Variants in ZNF777 observed in about 807,000 individuals in gnomAD.
The protein encoded by ZNF777 is zinc finger protein 777.
Under a neutral mutation model 72.1 loss-of-function variants are expected in ZNF777, and 7 were observed. The observed-to-expected ratio is 0.10, with a 90% CI of 0.06 to 0.18. The LOEUF is 0.18. Among genes scored for constraint, ZNF777 ranks in the 10% least tolerant of loss-of-function variants. The probability of loss-of-function intolerance (pLI) is 1.00; values close to 1 mark genes in which losing one functional copy is unlikely to be tolerated. For missense variants in ZNF777, 828 were observed against 1,128.6 expected (o/e 0.73, Z 3.82); for synonymous variants, 545 against 483.5 (o/e 1.13, Z -1.67).
chr7:149,431,926 C>T lies in ZNF777; in HGVS notation c.2346G>A (p.Glu782=). The change falls in exon 6 of 6, where the codon GAG becomes GAA. Residue 782 remains glutamate (E), a synonymous_variant. Transcript: ENST00000247930. Reference sequence around the variant, plus strand: ...GCTTCTGCGTGAAGCGCTTGCCGCACTCGGCGCAGTGGTAGGGCCGCTCGC... The same window carrying T: ...GCTTCTGCGTGAAGCGCTTGCCGCATTCGGCGCAGTGGTAGGGCCGCTCGC... ...HTGERPYHCA[E]CGKRFTQKHH... is the part of the protein sequence containing the mutation. 2 of 1,609,840 alleles carry T rather than the reference C, an allele frequency of 1.2e-6. No homozygotes were observed. Among genetic ancestry groups the T allele is most frequent in the East Asian group, 2.2e-5 (1 of 44,838 alleles).
intron 3 of ZNF777, among the ~76,000 whole-genome samples, chr7:149,451,418 C>T (rs980003705): frequency 1.3e-5 from 2 of 152,168 alleles, no homozygotes; most frequent in Non-Finnish European, 2.9e-5. Context: ...TGGCCGGGTG[C>T]AGTGGCTCAC....
In ZNF777 at chr7:149,454,100, C is replaced by T. The variant is rs1799777019; in HGVS notation, c.973+11G>A. 6.2e-7 allele frequency: 1 copy of T among 1,614,172 alleles called. No individual in the cohort carries two copies. The highest frequency in any genetic ancestry group is 8.5e-7 in the Non-Finnish European group (1 of 1,180,002). The stretch of plus-strand genomic sequence containing the variant: ...CCAGGCAGCCCCCAGCGAGCGAAGG[C>T]TTCTCCTTACCCATGGAAACCAGGG... On this transcript the variant is annotated intron_variant, in intron 3 of 5. Coordinates refer to ENST00000247930, the MANE Select transcript of ZNF777 (RefSeq NM_015694.3).
intron 4 of ZNF777, among the ~76,000 whole-genome samples, chr7:149,449,859 C>G (rs1799682625): frequency 6.6e-6 from 1 of 152,172 alleles, no homozygotes; most frequent in African/African-American, 2.4e-5. Context: ...GAAAGTGACA[C>G]CACTGGATTT....
intron 5 of ZNF777, among the ~76,000 whole-genome samples, chr7:149,434,395 A>G (rs1157433017): frequency 6.6e-6 from 1 of 152,164 alleles, no homozygotes; most frequent in African/African-American, 2.4e-5. Context: ...TCTCAGCAAG[A>G]AGCGACCCAG....
In ZNF777 at chr7:149,446,161, T is replaced by C. The variant is rs541460618; in HGVS notation, c.1087+4838A>G. Among the ~76,000 whole-genome samples, 22 of 152,360 alleles carry C rather than the reference T, an allele frequency of 1.4e-4. No individual in the cohort carries two copies. The East Asian group carries it at 3.7e-3, about 25-fold the overall frequency. On this transcript the variant is annotated intron_variant, in intron 4 of 5. Coordinates refer to ENST00000247930, the MANE Select transcript of ZNF777 (RefSeq NM_015694.3). ...GGGAGTCCGAGGCGGGCAGATTACC[T>C]GAGGTTGGGAGTTCAAGACCAGCCT...
chr7:149,450,340 T>C (rs116492603), intron 4 of ZNF777, among the ~76,000 whole-genome samples: 1,575 of 152,320 alleles, frequency 0.01, 26 homozygotes, highest in African/African-American at 0.037. Flanking sequence ...GCCACTGCTA[T>C]GTGCCAATCA....
At chr7:149,441,344 A>C (rs1799511340) in intron 4 of ZNF777, among the ~76,000 whole-genome samples, 1 of 152,228 alleles carries the variant, frequency 6.6e-6, no homozygotes. Context: ...TACTTCACAT[A>C]TTTCACATCA....
At chr7:149,437,702 G>A (rs1218210763) in intron 4 of ZNF777, among the ~76,000 whole-genome samples, 1 of 151,208 alleles carries the variant, frequency 6.6e-6, no homozygotes, top group South Asian at 2.1e-4. Flanking sequence ...CCATTTCACC[G>A]CTATGACTTC....
rs1404175748 is a variant in ZNF777 at position 149,460,655 on chromosome 7, G to T, written c.-16+160C>A. On this transcript the variant is annotated intron_variant, in intron 1 of 5. Transcript: ENST00000247930. This position sits in a 1 kb window ranked among gnomAD's most constrained non-coding sequence, Gnocchi z 6.1. The stretch of plus-strand genomic sequence containing the variant: ...AACACTCCGAGGCTCGTCGGAGGCT[G>T]CCGGAACCCAGACAGCTCCATCTAC... Among the ~76,000 whole-genome samples the T allele has an allele frequency of 6.6e-6, 1 of 152,094 alleles. No homozygotes were observed. Among genetic ancestry groups the T allele is most frequent in the East Asian group, 1.9e-4 (1 of 5,166 alleles).
rs1198139087 is a variant in ZNF777, at chr7:149,436,546, T to C, written c.1339+29A>G. 2 of 1,564,200 alleles carry C rather than the reference T, an allele frequency of 1.3e-6. No individual in the cohort carries two copies. The highest frequency in any genetic ancestry group is 1.3e-5 in the African/African-American group (1 of 74,446). The stretch of plus-strand genomic sequence containing the variant: ...CCTCTGGGAGGCCTCATGGCAACCC[T>C]TCCCCGGCCGTCCCCGCCCAGCACT... On this transcript the variant is annotated intron_variant, in intron 5 of 5. Transcript: ENST00000247930. This position sits in a 1 kb window ranked among gnomAD's most constrained non-coding sequence, Gnocchi z 5.0.
In ZNF777 at chr7:149,438,481, T is replaced by C. The variant is rs542151177; in HGVS notation, c.1088-1655A>G. 8.5e-4 allele frequency among the ~76,000 whole-genome samples: 130 copies of C among 152,326 alleles called. 1 individual carries two copies. The highest frequency in any genetic ancestry group is 3.1e-3 in the African/African-American group (128 of 41,566). ...CAATAGAATATGTCATGTACACACA[T>C]ATTCATTCATTCATCGAATGTTTAC... On this transcript the variant is annotated intron_variant, in intron 4 of 5. Coordinates refer to ENST00000247930, the MANE Select transcript of ZNF777 (RefSeq NM_015694.3).
Position 149,460,208 on chromosome 7 carries a change from G to T in ZNF777, c.-16+607C>A. ...CGCCGCTACTGCCGCCGCCGCTACT[G>T]CGCGCGGCCCCACGCAGGCCCGGCC... On this transcript the variant is annotated intron_variant, in intron 1 of 5. Transcript: ENST00000247930. This position sits in a 1 kb window ranked among gnomAD's most constrained non-coding sequence, Gnocchi z 6.1. 1 of 627,192 alleles carries T rather than the reference G, an allele frequency of 1.6e-6. No individual in the cohort carries two copies. Among genetic ancestry groups the T allele is most frequent in the Non-Finnish European group, 2.0e-6 (1 of 505,582 alleles). The allele number at this position is 627,192 out of a possible 1,614,324, so 38.9% of individuals were successfully genotyped here. A position where few individuals can be genotyped will look rare whatever the true frequency, so the allele number is the denominator to read the frequency against.
rs372059724 is a variant in ZNF777, at chr7:149,455,657, G to C, written c.366C>G (p.Pro122=). 6.4e-7 allele frequency: 1 copy of C among 1,567,918 alleles called. No homozygotes were observed. The highest frequency in any genetic ancestry group is 8.6e-7 in the Non-Finnish European group (1 of 1,157,112). The change falls in exon 2 of 6, where the codon CCC becomes CCG. Residue 122 remains proline (P), a synonymous_variant. Coordinates refer to ENST00000247930, the MANE Select transcript of ZNF777 (RefSeq NM_015694.3). The surrounding 1 kb of genome is among the most constrained non-coding windows in gnomAD (Gnocchi z 4.2). The stretch of plus-strand genomic sequence containing the variant: ...AGTGAACGGGGGCTTCCTGGTGGTG[G>C]GGGGAGTGGGAGAGAAGGGAGACTT... ...EQEVSLLSHS[P]HHQEAPVHSP... is the part of the protein sequence containing the mutation.
intron 3 of ZNF777, among the ~76,000 whole-genome samples, chr7:149,453,686 G>A (rs1252676784): frequency 6.6e-6 from 1 of 152,224 alleles, no homozygotes; most frequent in Non-Finnish European, 1.5e-5. Context: ...GCAGGTCCAA[G>A]GAGATGATAC....
chr7:149,432,328 C>T lies in ZNF777; in HGVS notation c.1944G>A (p.Lys648=), dbSNP rs776961944. 1 of 1,610,708 alleles carries T rather than the reference C, an allele frequency of 6.2e-7. No individual in the cohort carries two copies. The highest frequency in any genetic ancestry group is 1.1e-5 in the South Asian group (1 of 91,076). ...CPECDSSFSH[K]SSLTKHQITH... Reference sequence around the variant, plus strand: ...TGATCTGGTGTTTGGTCAGGCTGGACTTGTGGCTGAAGCTGCTGTCGCACT... The same window carrying T: ...TGATCTGGTGTTTGGTCAGGCTGGATTTGTGGCTGAAGCTGCTGTCGCACT... Residue 648 remains lysine, a synonymous_variant, in exon 6 of 6, where the codon AAG becomes AAA. Coordinates refer to ENST00000247930, the MANE Select transcript of ZNF777 (RefSeq NM_015694.3).
intron 4 of ZNF777, among the ~76,000 whole-genome samples, chr7:149,442,032 G>A (rs1193638471): frequency 2.0e-5 from 3 of 150,078 alleles, no homozygotes; most frequent in South Asian, 2.1e-4. Flanking sequence ...CCTGGCCATC[G>A]TGGTGAAACT....
chr7:149,448,533 AGT>A (rs1311354203), intron 4 of ZNF777, among the ~76,000 whole-genome samples: 9 of 140,540 alleles, frequency 6.4e-5, no homozygotes, highest in African/African-American at 2.2e-4. Context: ...TTATACATAT[AGT>A]TATATATATA....
At position 149,432,429 on chromosome 7, in the gene ZNF777, G is replaced by T; in HGVS notation, c.1843C>A (p.His615Asn). The T allele has an allele frequency of 6.2e-7, 1 of 1,613,428 alleles. No individual in the cohort carries two copies. Among genetic ancestry groups the T allele is most frequent in the South Asian group, 1.1e-5 (1 of 91,076 alleles). Residue 615 changes from histidine to asparagine, a missense_variant, in exon 6 of 6, where the codon CAC becomes AAC. Coordinates refer to ENST00000247930, the MANE Select transcript of ZNF777 (RefSeq NM_015694.3). ...GACTTGGGACGCGGCTTGAGCGCGTGCTTGGGGTTGAACGTGGGCCCGCGT... is the reference window on the plus strand; with the variant it reads ...GACTTGGGACGCGGCTTGAGCGCGTTCTTGGGGTTGAACGTGGGCCCGCGT... ...PERGPTFNPK[H>N]ALKPRPKSPS...
In ZNF777 at chr7:149,431,382, A is replaced by ATTATT. The variant is rs1799299788; in HGVS notation, c.*389_*393dup. Reference sequence around the variant, plus strand: ...ACGCTCTTCTTTTAAAAATTACTCTATTATTATCAAATAGAACCACAGTAT... The same window carrying ATTATT: ...ACGCTCTTCTTTTAAAAATTACTCTATTATTTTATTATCAAATAGAACCACAGTAT... On this transcript the variant is annotated 3_prime_UTR_variant, in exon 6 of 6. Coordinates refer to ENST00000247930, the MANE Select transcript of ZNF777 (RefSeq NM_015694.3). The ATTATT allele has an allele frequency of 1.3e-5, 5 of 381,486 alleles. No individual in the cohort carries two copies. The highest frequency in any genetic ancestry group is 2.5e-5 in the Non-Finnish European group (5 of 199,574). 23.6% of individuals were successfully genotyped at this position (381,486 alleles called of 1,614,324 possible).
Sources: gnomAD v4.1 joint callset for allele counts (sites outside exome capture counted in the v4.1 genomes callset) on GRCh38, gnomAD v4.1.1 for gene constraint, Gnocchi (gnomAD v3.1) non-coding constraint, MANE v1.5 for transcripts, NCBI Gene and HGNC (gene_info 2026-07-23, HGNC 2026-07-21) for gene names.